GUCY1A2: variants seen among roughly 807,000 people sequenced by gnomAD.
GUCY1A2 encodes the protein guanylate cyclase soluble subunit alpha-2.
Under a neutral mutation model 63.5 loss-of-function variants are expected in GUCY1A2, and 27 were observed. The ratio of observed to expected loss-of-function variants is 0.43; its 90% CI spans 0.31 to 0.59. The LOEUF (loss-of-function observed/expected upper bound fraction) is 0.59. GUCY1A2 is among the 20% of genes least tolerant of loss of function. The pLI, the probability that GUCY1A2 is intolerant of heterozygous loss-of-function variation, is 0.11. For missense variants in GUCY1A2, 768 were observed against 913.3 expected (o/e 0.84, Z 2.05); for synonymous variants, 364 against 343.5 (o/e 1.06, Z -0.66).
intron 4 of GUCY1A2, among the ~76,000 whole-genome samples, chr11:106,917,570 T>A (rs1247653084): frequency 7.0e-6 from 1 of 143,788 alleles, no homozygotes; most frequent in Non-Finnish European, 1.6e-5. Flanking sequence ...TAGACTGGAT[T>A]AAGAAAATGT....
intron 4 of GUCY1A2, among the ~76,000 whole-genome samples, chr11:106,861,022 A>T (rs1283385131): frequency 6.6e-6 from 1 of 151,946 alleles, no homozygotes; most frequent in East Asian, 1.9e-4. Context: ...TTATTTGCTT[A>T]TGAAGAGGAA....
chr11:106,960,265 T>A (rs1861042086), intron 3 of GUCY1A2, among the ~76,000 whole-genome samples: 1 of 152,194 alleles, frequency 6.6e-6, no homozygotes, highest in African/African-American at 2.4e-5. Flanking sequence ...GGGCAATTAC[T>A]AAGATAAAGA....
At chr11:106,785,433 A>G (rs1258759977) in intron 5 of GUCY1A2, among the ~76,000 whole-genome samples, 1 of 151,960 alleles carries the variant, frequency 6.6e-6, no homozygotes, top group Non-Finnish European at 1.5e-5. Flanking sequence ...TAACTTTCTT[A>G]CAACCATACC....
intron 4 of GUCY1A2, among the ~76,000 whole-genome samples, chr11:106,820,474 C>T (rs1333768491): frequency 6.6e-6 from 1 of 152,172 alleles, no homozygotes; most frequent in East Asian, 1.9e-4. Flanking sequence ...TACCGGCTCA[C>T]TGCAACCTCT....
intron 5 of GUCY1A2, among the ~76,000 whole-genome samples, chr11:106,789,662 G>A (rs1355220081): frequency 1.3e-5 from 2 of 152,098 alleles, no homozygotes; most frequent in African/African-American, 2.4e-5. Flanking sequence ...AAAGGGCCTC[G>A]GTGTTGTGAT....
intron 6 of GUCY1A2, among the ~76,000 whole-genome samples, chr11:106,764,341 G>A (rs577665424): frequency 1.3e-5 from 2 of 152,154 alleles, no homozygotes; most frequent in African/African-American, 4.8e-5. Flanking sequence ...ATACATTCCA[G>A]TTGTATTGTG....
At chr11:106,995,767 G>C (rs1861526397) in intron 1 of GUCY1A2, among the ~76,000 whole-genome samples, 1 of 152,184 alleles carries the variant, frequency 6.6e-6, no homozygotes, top group South Asian at 2.1e-4. Flanking sequence ...ACTGTTGCCA[G>C]CCATGCCTTA....
chr11:106,700,862 C>A (rs1357322250), intron 7 of GUCY1A2, among the ~76,000 whole-genome samples: 3 of 151,754 alleles, frequency 2.0e-5, no homozygotes, highest in East Asian at 3.9e-4. Context: ...TTCTTTGGAT[C>A]TTTCCCCACA....
intron 6 of GUCY1A2, among the ~76,000 whole-genome samples, chr11:106,773,173 G>A (rs1378680833): frequency 7.6e-6 from 1 of 131,436 alleles, no homozygotes; most frequent in African/African-American, 3.0e-5. Flanking sequence ...CTTGAATTTT[G>A]TGTTAATCAT....
chr11:106,984,649 AAATATT>A (rs1356820045), intron 2 of GUCY1A2, among the ~76,000 whole-genome samples: 2 of 152,214 alleles, frequency 1.3e-5, no homozygotes, highest in Non-Finnish European at 2.9e-5. Flanking sequence ...ATTGTCATAA[AAATATT>A]AATAATAACG....
rs1487786865 is a variant in GUCY1A2, at chr11:106,683,477, C to T, written c.*4072G>A. Reference sequence around the variant, plus strand: ...GAAGCTGCAGATATAATCAATGCCCCGGCACATCCAGTTCATTACTACACT... The same window carrying T: ...GAAGCTGCAGATATAATCAATGCCCTGGCACATCCAGTTCATTACTACACT... On this transcript the variant is annotated 3_prime_UTR_variant, in exon 8 of 8. Transcript: ENST00000526355. The T allele has an allele frequency of 1.8e-5, 4 of 227,320 alleles. No homozygotes were observed. The highest frequency in any genetic ancestry group is 2.6e-5 in the Non-Finnish European group (3 of 114,348). 14.1% of individuals were successfully genotyped at this position (227,320 alleles called of 1,614,324 possible). A position where few individuals can be genotyped will look rare whatever the true frequency, so the allele number is the denominator to read the frequency against.
At chr11:106,777,139 CAAATATCCTACAT>C (rs1328988758) in intron 5 of GUCY1A2, among the ~76,000 whole-genome samples, 1 of 152,036 alleles carries the variant, frequency 6.6e-6, no homozygotes, top group Non-Finnish European at 1.5e-5. Flanking sequence ...TTTATCTTCA[CAAATATCCTACAT>C]GAAAGAAACA....
At chr11:106,688,627 T>TA (rs1045612239) in intron 7 of GUCY1A2, among the ~76,000 whole-genome samples, 22 of 152,140 alleles carry the variant, frequency 1.4e-4, no homozygotes, top group African/African-American at 4.6e-4. Flanking sequence ...AAAGAATTTT[T>TA]AAAAAAACCC....
At chr11:106,905,250 C>A (rs1591321788) in intron 4 of GUCY1A2, among the ~76,000 whole-genome samples, 1 of 152,200 alleles carries the variant, frequency 6.6e-6, no homozygotes, top group Non-Finnish European at 1.5e-5. Flanking sequence ...TTCTATCTCC[C>A]AGAGCATTAA....
At position 106,681,330 on chromosome 11, in the gene GUCY1A2, G is replaced by T. The variant is rs183253383; in HGVS notation, c.*6219C>A. The T allele has an allele frequency of 4.4e-6, 1 of 225,028 alleles. No individual in the cohort carries two copies. Among genetic ancestry groups the T allele is most frequent in the Non-Finnish European group, 8.9e-6 (1 of 112,784 alleles). The allele number at this position is 225,028 out of a possible 1,614,324, so 13.9% of individuals were successfully genotyped here. A position where few individuals can be genotyped will look rare whatever the true frequency, so the allele number is the denominator to read the frequency against. Reference sequence around the variant, plus strand: ...AAACCAACATTTGAATAAATCTGCCGCAAGACCCATCTATATTTTTGCAAA... The same window carrying T: ...AAACCAACATTTGAATAAATCTGCCTCAAGACCCATCTATATTTTTGCAAA... On this transcript the variant is annotated 3_prime_UTR_variant, in exon 8 of 8. Transcript: ENST00000526355.
At chr11:107,012,754 C>T (rs1274135413) in intron 1 of GUCY1A2, among the ~76,000 whole-genome samples, 1 of 152,176 alleles carries the variant, frequency 6.6e-6, no homozygotes, top group Non-Finnish European at 1.5e-5. Flanking sequence ...CATTAAACAA[C>T]TGAAATATAC....
At chr11:106,880,343 G>A (rs1859806693) in intron 4 of GUCY1A2, among the ~76,000 whole-genome samples, 1 of 152,022 alleles carries the variant, frequency 6.6e-6, no homozygotes, top group Non-Finnish European at 1.5e-5. Flanking sequence ...GTTGCCACGT[G>A]AAGGTTGCCA....
At chr11:106,730,855 C>G (rs1163211017) in intron 6 of GUCY1A2, among the ~76,000 whole-genome samples, 1 of 152,062 alleles carries the variant, frequency 6.6e-6, no homozygotes. Context: ...ATTTGAATTT[C>G]TCTAATGATT....
chr11:106,776,359 G>A (rs1316315247), intron 6 of GUCY1A2, 80 bp downstream of exon 6: 4 of 1,142,860 alleles, frequency 3.5e-6, no homozygotes, highest in South Asian at 2.8e-5. Flanking sequence ...ATTACAAAAA[G>A]TAGAACTTGG....
Sources: gnomAD v4.1 joint callset for allele counts (sites outside exome capture counted in the v4.1 genomes callset) on GRCh38, gnomAD v4.1.1 for gene constraint, MANE v1.5 for transcripts, NCBI Gene and HGNC (gene_info 2026-07-23, HGNC 2026-07-21) for gene names.